TENM1: variants seen among roughly 807,000 people sequenced by gnomAD.
TENM1 encodes the protein teneurin transmembrane protein 1, also known as teneurin-1.
TENM1 carries 35 observed loss-of-function variants against 174.8 expected under a neutral mutation model. The ratio of observed to expected loss-of-function variants is 0.20; its 90% CI spans 0.15 to 0.27. The LOEUF (loss-of-function observed/expected upper bound fraction) is 0.27, where lower values mean the gene tolerates loss of function less well. Ranked by LOEUF, TENM1 falls within the 10% of genes least tolerant of loss-of-function variation. The pLI, the probability that TENM1 is intolerant of heterozygous loss-of-function variation, is 1.00. For synonymous variants in TENM1, 781 were observed against 798.7 expected, an observed-to-expected ratio of 0.98 and a Z score of 0.37; for missense variants, 1,633 against 2,130.1, an observed-to-expected ratio of 0.77 and a Z score of 4.59.
intron 3 of TENM1, among the ~76,000 whole-genome samples, chrX:124,742,956 G>A (rs1364956018): frequency 2.7e-5 from 3 of 111,208 alleles, no homozygotes; most frequent in Non-Finnish European, 1.9e-5. Flanking sequence ...GGGGTAAAAG[G>A]AAACAGGCTT....
chrX:124,376,853 C>T (rs1403921252), exon 32 of TENM1: 1 of 110,138 alleles, frequency 9.1e-6, no homozygotes, highest in East Asian at 2.8e-4. Flanking sequence ...AGCTGAAGTA[C>T]TAGTCAGGTC....
At chrX:124,809,563 G>A (rs1021707353) in intron 3 of TENM1, among the ~76,000 whole-genome samples, 2 of 111,365 alleles carry the variant, frequency 1.8e-5, no homozygotes, top group Non-Finnish European at 3.8e-5. Context: ...TACATTAAGA[G>A]AATAAAGGAC....
chrX:124,765,925 TC>T (rs2054529827), intron 3 of TENM1, among the ~76,000 whole-genome samples: 1 of 111,883 alleles, frequency 8.9e-6, no homozygotes. Context: ...CTAGATACCG[TC>T]ACGGAAATTA....
chrX:125,013,288 C>T, the TENM1 span, among the ~76,000 whole-genome samples: 1 of 111,672 alleles, frequency 9.0e-6, no homozygotes, highest in Non-Finnish European at 1.9e-5. Flanking sequence ...AGATTAACTA[C>T]AAAACGATTG....
chrX:124,850,724 G>C (rs939666918), intron 3 of TENM1, among the ~76,000 whole-genome samples: 18 of 110,488 alleles, frequency 1.6e-4, no homozygotes, highest in African/African-American at 5.9e-4. Flanking sequence ...AGAAAGCAAA[G>C]GGCAAACCAC....
At chrX:124,422,363 C>T (rs1483884869) in exon 24 of TENM1, 1 of 1,209,681 alleles carries the variant, frequency 8.3e-7, no homozygotes, top group Non-Finnish European at 1.1e-6. Context: ...TGGTTACTTG[C>T]TGAATGCGGT....
intron 1 of TENM1, among the ~76,000 whole-genome samples, chrX:124,947,009 G>T (rs2058413025): frequency 9.1e-6 from 1 of 110,398 alleles, no homozygotes; most frequent in Non-Finnish European, 1.9e-5. Flanking sequence ...GGAGTAAATT[G>T]GTTATCATTG....
At chrX:124,854,222 G>A (rs770247210) in intron 3 of TENM1, among the ~76,000 whole-genome samples, 1 of 111,609 alleles carries the variant, frequency 9.0e-6, no homozygotes, top group Non-Finnish European at 1.9e-5. Flanking sequence ...GATGGAGTTG[G>A]AGACCATTAT....
the TENM1 span, among the ~76,000 whole-genome samples, chrX:125,081,530 G>T: frequency 2.1e-4 from 23 of 110,625 alleles, no homozygotes; most frequent in Admixed American, 5.8e-4. Flanking sequence ...TGCATTCCCT[G>T]ATTCCTCTTT....
chrX:125,157,307 G>A, the TENM1 span, among the ~76,000 whole-genome samples: 1 of 111,853 alleles, frequency 8.9e-6, no homozygotes, highest in Non-Finnish European at 1.9e-5. Flanking sequence ...AAGAAGCTCT[G>A]GGACAGTTTT....
chrX:124,384,347 C>T, exon 30 of TENM1: 1 of 1,211,175 alleles, frequency 8.3e-7, no homozygotes. Flanking sequence ...AAGACGAGCA[C>T]TCTTCCCATG....
chrX:125,087,568 C>T, the TENM1 span, among the ~76,000 whole-genome samples: 1 of 110,982 alleles, frequency 9.0e-6, no homozygotes, highest in South Asian at 3.7e-4. Flanking sequence ...CTATCAGCTT[C>T]TCTTAAGATA....
chrX:124,858,898 G>A (rs977268863), intron 3 of TENM1, among the ~76,000 whole-genome samples: 1 of 110,252 alleles, frequency 9.1e-6, no homozygotes, highest in African/African-American at 3.3e-5. Flanking sequence ...ATAATGGCTT[G>A]TTCTATAGAT....
At chrX:124,472,461 G>A (rs1210551315) in intron 22 of TENM1, among the ~76,000 whole-genome samples, 2 of 100,849 alleles carry the variant, frequency 2.0e-5, no homozygotes, top group Admixed American at 1.2e-4. Flanking sequence ...TAATGATGCT[G>A]TTGTAAGTGC....
At chrX:124,492,268 G>A (rs1194509758) in intron 20 of TENM1, among the ~76,000 whole-genome samples, 2 of 111,661 alleles carry the variant, frequency 1.8e-5, no homozygotes, top group Non-Finnish European at 1.9e-5. Context: ...ATGGGGCACA[G>A]AGCAATTAAA....
At chrX:124,631,593 G>A (rs368835888) in intron 11 of TENM1, among the ~76,000 whole-genome samples, 11 of 110,942 alleles carry the variant, frequency 9.9e-5, no homozygotes, top group African/African-American at 2.0e-4. Context: ...CAGCAAGTCC[G>A]AAGTAGGATA....
chrX:125,106,368 C>T, the TENM1 span, among the ~76,000 whole-genome samples: 1 of 111,046 alleles, frequency 9.0e-6, no homozygotes, highest in East Asian at 2.8e-4. Context: ...TACTATCTGA[C>T]ACATAGCAGG....
chrX:125,108,861 T>G, the TENM1 span, among the ~76,000 whole-genome samples: 1 of 110,249 alleles, frequency 9.1e-6, no homozygotes, highest in Non-Finnish European at 1.9e-5. Flanking sequence ...ATCATTGTAA[T>G]TTAATCCCTA....
At chrX:125,184,652 C>T in the TENM1 span, among the ~76,000 whole-genome samples, 1 of 111,496 alleles carries the variant, frequency 9.0e-6, no homozygotes, top group Admixed American at 9.6e-5. Context: ...TGAGAGTTTG[C>T]AGATTTCTTT....
Sources: gnomAD v4.1 joint callset for allele counts (sites outside exome capture counted in the v4.1 genomes callset) on GRCh38, gnomAD v4.1.1 for gene constraint, MANE v1.5 for transcripts, NCBI Gene and HGNC (gene_info 2026-07-23, HGNC 2026-07-21) for gene names.